Variants in RFTN2 observed in about 807,000 individuals in gnomAD.
The protein encoded by RFTN2 is raftlin-2.
Under a neutral mutation model 52.7 loss-of-function variants are expected in RFTN2, and 34 were observed. The observed-to-expected ratio is 0.64, with a 90% CI of 0.49 to 0.86. The LOEUF (loss-of-function observed/expected upper bound fraction) is 0.86, where lower values mean the gene tolerates loss of function less well. Ranked by LOEUF, RFTN2 falls within the 40% of genes least tolerant of loss-of-function variation. The pLI, the probability that RFTN2 is intolerant of heterozygous loss-of-function variation, is 0.00. For missense variants in RFTN2, 536 were observed against 600.1 expected, an observed-to-expected ratio of 0.89 and a Z score of 1.12; for synonymous variants, 203 against 217.7, an observed-to-expected ratio of 0.93 and a Z score of 0.59.
rs1304454170 is a variant in RFTN2 at position 197,639,924 on chromosome 2, G to T, written c.438+4234C>A. Among the ~76,000 whole-genome samples the T allele has an allele frequency of 5.2e-4, 78 of 150,810 alleles. No individual in the cohort carries two copies. In the Middle Eastern group the frequency reaches 0.014, roughly 26 times the overall value. Reference sequence around the variant, plus strand: ...GATGTACAGATGGGTTTTTGGTGTGGATGTCCTTTCTGTTTGTTAGTTTTC... The same window carrying T: ...GATGTACAGATGGGTTTTTGGTGTGTATGTCCTTTCTGTTTGTTAGTTTTC... On this transcript the variant is annotated intron_variant, in intron 3 of 8. Transcript: ENST00000295049.
Position 197,675,498 on chromosome 2 carries a change from G to T in RFTN2, c.-40C>A, listed in dbSNP as rs765833769. 2.1e-6 allele frequency: 3 copies of T among 1,405,370 alleles called. No homozygotes were observed. The highest frequency in any genetic ancestry group is 2.8e-6 in the Non-Finnish European group (3 of 1,066,996). 87.1% of individuals were successfully genotyped at this position (1,405,370 alleles called of 1,614,324 possible). A position where few individuals can be genotyped will look rare whatever the true frequency, so the allele number is the denominator to read the frequency against. ...GGAATTAAATTGCAGGAAAGGGGAGGGAGAGCAGCAAATTCTGTTGTTTAA... is the reference window on the plus strand; with the variant it reads ...GGAATTAAATTGCAGGAAAGGGGAGTGAGAGCAGCAAATTCTGTTGTTTAA... On this transcript the variant is annotated 5_prime_UTR_variant, in exon 1 of 9. Coordinates refer to ENST00000295049, the MANE Select transcript of RFTN2 (RefSeq NM_144629.3).
At chr2:197,599,804 G>C (rs1204976165) in intron 7 of RFTN2, among the ~76,000 whole-genome samples, 1 of 152,146 alleles carries the variant, frequency 6.6e-6, no homozygotes, top group African/African-American at 2.4e-5. Context: ...GTGGTGTGAA[G>C]GGGAATTGCC....
intron 7 of RFTN2, among the ~76,000 whole-genome samples, chr2:197,607,857 C>G (rs2087987168): frequency 6.6e-6 from 1 of 152,104 alleles, no homozygotes; most frequent in Admixed American, 6.5e-5. Flanking sequence ...CCTCACCCCA[C>G]AAAATGTTTA....
intron 7 of RFTN2, among the ~76,000 whole-genome samples, chr2:197,601,956 A>G (rs2087887808): frequency 1.3e-5 from 2 of 152,196 alleles, no homozygotes; most frequent in Admixed American, 6.5e-5. Flanking sequence ...AATTCCCCCA[A>G]ATGAATTCAG....
chr2:197,659,757 C>T (rs1331392215), intron 1 of RFTN2, among the ~76,000 whole-genome samples: 1 of 151,648 alleles, frequency 6.6e-6, no homozygotes, highest in African/African-American at 2.4e-5. Context: ...GCAGAGGCTG[C>T]AGTGAGCTGA....
At chr2:197,648,786 G>A (rs1454701879) in intron 1 of RFTN2, among the ~76,000 whole-genome samples, 1 of 151,858 alleles carries the variant, frequency 6.6e-6, no homozygotes, top group Non-Finnish European at 1.5e-5. Context: ...AGGACTTGGT[G>A]TTTCTGAACC....
chr2:197,661,923 G>A (rs964749967), intron 1 of RFTN2, among the ~76,000 whole-genome samples: 2 of 152,022 alleles, frequency 1.3e-5, no homozygotes, highest in Admixed American at 6.6e-5. Flanking sequence ...ATACCTGTTG[G>A]CCATTTGTAT....
chr2:197,590,919 C>T (rs2087699855), intron 8 of RFTN2, among the ~76,000 whole-genome samples: 1 of 152,240 alleles, frequency 6.6e-6, no homozygotes, highest in Middle Eastern at 3.4e-3. Flanking sequence ...AGTAAAAAAA[C>T]AAAACTCCCC....
chr2:197,646,467 TG>T lies in RFTN2; in HGVS notation c.323+15del. The T allele has an allele frequency of 6.2e-7, 1 of 1,601,610 alleles. No homozygotes were observed. Reference sequence around the variant, plus strand: ...CTGTCACCCTCACCTGCCTCTTTCTTGAATAGTGTGCTTACCTTAATTTCAA... The same window carrying T: ...CTGTCACCCTCACCTGCCTCTTTCTTAATAGTGTGCTTACCTTAATTTCAA... On this transcript the variant is annotated intron_variant, in intron 2 of 8. Transcript: ENST00000295049.
At chr2:197,610,130 T>C (rs2088031527) in intron 7 of RFTN2, among the ~76,000 whole-genome samples, 1 of 152,210 alleles carries the variant, frequency 6.6e-6, no homozygotes, top group African/African-American at 2.4e-5. Context: ...AACTTTAAAG[T>C]AGTTTTTTCC....
intron 8 of RFTN2, among the ~76,000 whole-genome samples, chr2:197,592,525 G>A (rs374686621): frequency 2.0e-5 from 3 of 152,138 alleles, no homozygotes; most frequent in African/African-American, 7.2e-5. Flanking sequence ...TCAGACTCTA[G>A]GTTAATTTCT....
At chr2:197,633,588 G>T in intron 4 of RFTN2, 130 bp downstream of exon 4, 1 of 742,036 alleles carries the variant, frequency 1.3e-6, no homozygotes, top group Non-Finnish European at 2.1e-6. Context: ...AAATCATGAG[G>T]TTTTTATTAG....
chr2:197,614,512 T>C (rs1177538445), intron 7 of RFTN2, among the ~76,000 whole-genome samples: 1 of 152,242 alleles, frequency 6.6e-6, no homozygotes, highest in Non-Finnish European at 1.5e-5. Context: ...GAGAGGACAC[T>C]GAGCTGGTTA....
At chr2:197,663,351 T>C (rs1278603478) in intron 1 of RFTN2, among the ~76,000 whole-genome samples, 1 of 152,212 alleles carries the variant, frequency 6.6e-6, no homozygotes, top group Non-Finnish European at 1.5e-5. Context: ...GAATTCTCTC[T>C]TCTTCAAGTT....
At chr2:197,603,640 G>C (rs993104204) in intron 7 of RFTN2, among the ~76,000 whole-genome samples, 1 of 152,208 alleles carries the variant, frequency 6.6e-6, no homozygotes, top group African/African-American at 2.4e-5. Context: ...TTTAGGCCGG[G>C]TGTGGTGGCT....
chr2:197,636,217 C>T (rs1479105032), intron 3 of RFTN2, among the ~76,000 whole-genome samples: 4 of 150,614 alleles, frequency 2.7e-5, no homozygotes, highest in African/African-American at 4.9e-5. Context: ...GCCTTGGCGA[C>T]GCGGGCTCTT....
At chr2:197,636,438 T>C in intron 3 of RFTN2, among the ~76,000 whole-genome samples, 1 of 132,254 alleles carries the variant, frequency 7.6e-6, no homozygotes, top group East Asian at 2.1e-4. Context: ...GTAGTTCTCC[T>C]TGAAGAGGTC....
chr2:197,663,837 A>G (rs760091101), intron 1 of RFTN2, among the ~76,000 whole-genome samples: 6 of 151,274 alleles, frequency 4.0e-5, no homozygotes, highest in African/African-American at 7.3e-5. Context: ...TCCTTTTACT[A>G]ATTTTGGGTT....
intron 1 of RFTN2, among the ~76,000 whole-genome samples, chr2:197,655,223 C>A (rs1288159487): frequency 6.6e-6 from 1 of 152,024 alleles, no homozygotes; most frequent in East Asian, 1.9e-4. Context: ...AAAATTGATG[C>A]TTAAAGAGGT....
Sources: gnomAD v4.1 joint callset for allele counts (sites outside exome capture counted in the v4.1 genomes callset) on GRCh38, gnomAD v4.1.1 for gene constraint, MANE v1.5 for transcripts, NCBI Gene and HGNC (gene_info 2026-07-23, HGNC 2026-07-21) for gene names.